DOCK10: variants seen among roughly 807,000 people sequenced by gnomAD.
The protein encoded by DOCK10 is dedicator of cytokinesis 10.
DOCK10 carries 145 observed loss-of-function variants against 280.1 expected under a neutral mutation model. The ratio of observed to expected loss-of-function variants is 0.52; its 90% CI spans 0.45 to 0.59. The LOEUF is 0.59. Ranked by LOEUF, DOCK10 falls within the 20% of genes least tolerant of loss-of-function variation. DOCK10 has a pLI of 0.00. For synonymous variants in DOCK10, 915 were observed against 942.2 expected (o/e 0.97, Z 0.53); for missense variants, 2,368 against 2,651.7 (o/e 0.89, Z 2.35).
chr2:224,983,547 G>A (rs190034535), intron 1 of DOCK10: 123 of 241,218 alleles, frequency 5.1e-4, no homozygotes, highest in African/African-American at 2.5e-3. Context: ...GCTCCTCGGC[G>A]TGAAGGGTGC....
chr2:224,802,884 C>A (rs1030553664), intron 39 of DOCK10, among the ~76,000 whole-genome samples: 1 of 152,086 alleles, frequency 6.6e-6, no homozygotes, highest in Non-Finnish European at 1.5e-5. Flanking sequence ...TCTCTTTCTC[C>A]CACTTTTCAA....
At chr2:225,035,584 ATAT>A (rs1559987060) in intron 1 of DOCK10, among the ~76,000 whole-genome samples, 58 of 113,190 alleles carry the variant, frequency 5.1e-4, no homozygotes, top group African/African-American at 2.1e-3. Context: ...ATATATATAT[ATAT>A]AACACTGAAT....
chr2:224,787,785 G>A (rs1222450748), intron 48 of DOCK10, among the ~76,000 whole-genome samples: 30 of 152,036 alleles, frequency 2.0e-4, no homozygotes, highest in Non-Finnish European at 1.5e-5. Context: ...TTAAACCTTT[G>A]TGGGAACTCC....
chr2:224,809,354 C>A (rs1370665064), intron 31 of DOCK10, among the ~76,000 whole-genome samples: 1 of 152,014 alleles, frequency 6.6e-6, no homozygotes, highest in African/African-American at 2.4e-5. Context: ...AGGATTATAT[C>A]AAATTTAAAA....
chr2:225,022,458 A>C (rs894707655), intron 1 of DOCK10, among the ~76,000 whole-genome samples: 1 of 152,084 alleles, frequency 6.6e-6, no homozygotes, highest in African/African-American at 2.4e-5. Flanking sequence ...CAAGTCACAA[A>C]CCTTACCCGT....
At chr2:224,784,473 G>C (rs937009606) in intron 50 of DOCK10, among the ~76,000 whole-genome samples, 1 of 152,104 alleles carries the variant, frequency 6.6e-6, no homozygotes, top group Non-Finnish European at 1.5e-5. Flanking sequence ...TGTATGTAAG[G>C]CTTTCAGACT....
chr2:224,918,764 T>TG (rs1701488642), intron 2 of DOCK10, among the ~76,000 whole-genome samples: 1 of 151,390 alleles, frequency 6.6e-6, no homozygotes, highest in African/African-American at 2.4e-5. Context: ...GTGTGTCGCA[T>TG]TTGAGTGCAT....
At chr2:224,978,466 G>A (rs1265184816) in intron 1 of DOCK10, among the ~76,000 whole-genome samples, 1 of 152,098 alleles carries the variant, frequency 6.6e-6, no homozygotes, top group African/African-American at 2.4e-5. Context: ...TTCTGCCTTT[G>A]AGGGTCAAGG....
chr2:224,795,122 T>C (rs1174524643), intron 44 of DOCK10, 28 bp from the exon 45 acceptor site: 2 of 1,601,110 alleles, frequency 1.2e-6, no homozygotes, highest in Non-Finnish European at 1.7e-6. Context: ...CCTGGGTCAT[T>C]ATCTGTTTAG....
intron 14 of DOCK10, chr2:224,862,321 C>A (rs1697560937): frequency 5.7e-6 from 1 of 174,516 alleles, no homozygotes; most frequent in Non-Finnish European, 1.2e-5. Context: ...TTTAGGCACA[C>A]CAGACTCTCA....
At chr2:224,773,394 A>G (rs745353521) in intron 52 of DOCK10, 47 bp from the exon 53 acceptor site, 8 of 1,547,726 alleles carry the variant, frequency 5.2e-6, no homozygotes, top group Non-Finnish European at 7.0e-6. Flanking sequence ...GGATTAGTGA[A>G]GAGTCAAGGG....
intron 7 of DOCK10, among the ~76,000 whole-genome samples, chr2:224,885,413 T>C (rs1699220411): frequency 6.6e-6 from 1 of 152,232 alleles, no homozygotes; most frequent in African/African-American, 2.4e-5. Context: ...CTCCCTTTTG[T>C]TTCTCTGTTT....
Position 224,807,904 on chromosome 2 carries a change from C to G in DOCK10, c.3585+7G>C. On this transcript the variant is annotated splice_region_variant and intron_variant, in intron 32 of 55. Coordinates refer to ENST00000258390, the MANE Select transcript of DOCK10 (RefSeq NM_014689.3). ...GTTTAGGGAAGGGAGAAAGGAAGAT[C>G]ACTTACTGGCTCTCTGTATCGATCA... 1.9e-6 allele frequency: 3 copies of G among 1,607,034 alleles called. No individual in the cohort carries two copies. Among genetic ancestry groups the G allele is most frequent in the Non-Finnish European group, 2.6e-6 (3 of 1,174,944 alleles).
intron 55 of DOCK10, among the ~76,000 whole-genome samples, chr2:224,767,310 C>A (rs1019528288): frequency 7.9e-4 from 120 of 152,064 alleles, no homozygotes; most frequent in African/African-American, 2.8e-3. Flanking sequence ...ATTACAGGCA[C>A]CTGCCATTAC....
At position 224,805,370 on chromosome 2, in the gene DOCK10, C is replaced by A; in HGVS notation, c.3936+38G>T. ...ATTGAGTGAGAGTGAGTGACCTCTG[C>A]CTTGTAATGATCAGTAGGTTTGAGA... On this transcript the variant is annotated intron_variant, in intron 35 of 55. Transcript: ENST00000258390. This position sits in a 1 kb window ranked among gnomAD's most constrained non-coding sequence, Gnocchi z 4.3. The A allele has an allele frequency of 6.2e-7, 1 of 1,612,688 alleles. No homozygotes were observed. The highest frequency in any genetic ancestry group is 8.5e-7 in the Non-Finnish European group (1 of 1,179,180).
chr2:224,956,846 C>T (rs898946442), intron 1 of DOCK10, among the ~76,000 whole-genome samples: 12 of 152,112 alleles, frequency 7.9e-5, no homozygotes, highest in African/African-American at 2.9e-4. Flanking sequence ...TTCTCTTTTC[C>T]TAATGTATAC....
chr2:224,829,978 A>G (rs1383293485), intron 27 of DOCK10, among the ~76,000 whole-genome samples: 1 of 152,196 alleles, frequency 6.6e-6, no homozygotes, highest in African/African-American at 2.4e-5. Context: ...AGGAATGCAC[A>G]TCGCTCAAAT....
chr2:224,861,502 T>C (rs1232094633), intron 14 of DOCK10: 2 of 152,228 alleles, frequency 1.3e-5, no homozygotes, highest in Non-Finnish European at 2.9e-5. Flanking sequence ...TGAATCTATC[T>C]TGATTTACTG....
chr2:224,923,045 C>T (rs1046889205), intron 2 of DOCK10, among the ~76,000 whole-genome samples: 4 of 152,136 alleles, frequency 2.6e-5, no homozygotes, highest in Admixed American at 1.3e-4. Flanking sequence ...TGAAAAACAT[C>T]TTTTACCACA....
Sources: gnomAD v4.1 joint callset for allele counts (sites outside exome capture counted in the v4.1 genomes callset) on GRCh38, gnomAD v4.1.1 for gene constraint, Gnocchi (gnomAD v3.1) non-coding constraint, MANE v1.5 for transcripts, NCBI Gene and HGNC (gene_info 2026-07-23, HGNC 2026-07-21) for gene names.